The following ZNF251 variants were observed in gnomAD, a reference collection of about 807,000 sequenced individuals.
ZNF251 encodes zinc finger protein 251.
A neutral mutation model predicts 13.5 loss-of-function variants in ZNF251; 14 were observed. The ratio of observed to expected loss-of-function variants is 1.04; its 90% CI spans 0.69 to 1.63. The LOEUF is 1.63. Ranked by LOEUF, ZNF251 falls within the 40% of genes most tolerant of loss-of-function variation. The probability of loss-of-function intolerance (pLI) is 0.00; values close to 1 mark genes in which losing one functional copy is unlikely to be tolerated. For missense variants in ZNF251, 764 were observed against 834.9 expected (o/e 0.92, Z 1.05); for synonymous variants, 287 against 295.2 (o/e 0.97, Z 0.28).
rs562325410 is a variant in ZNF251 at position 144,747,987 on chromosome 8, G to A, written c.277+5696C>T. 6.6e-5 allele frequency among the ~76,000 whole-genome samples: 10 copies of A among 152,166 alleles called. No homozygotes were observed. The East Asian group carries it at 9.6e-4, about 15-fold the overall frequency. On this transcript the variant is annotated intron_variant, in intron 4 of 4. Coordinates refer to ENST00000292562, the MANE Select transcript of ZNF251 (RefSeq NM_138367.2). ...CGCAGTGACGTGATCATAGCTCACC[G>A]CAGCTTCAATGTCCTGGGCTCAAGC...
intron 4 of ZNF251, among the ~76,000 whole-genome samples, chr8:144,742,678 C>T (rs1213303427): frequency 6.6e-6 from 1 of 152,180 alleles, no homozygotes; most frequent in African/African-American, 2.4e-5. Flanking sequence ...CTTCACCCTG[C>T]TTCTCTACTC....
At chr8:144,730,564 G>A (rs1285221787) in intron 4 of ZNF251, among the ~76,000 whole-genome samples, 1 of 149,556 alleles carries the variant, frequency 6.7e-6, no homozygotes. Context: ...GGGGCGTCCC[G>A]GGGGTGACAC....
Position 144,723,316 on chromosome 8 carries a change from G to A in ZNF251, c.344C>T (p.Thr115Ile). Reference protein sequence around the residue: ...LNQKFSEEVKTPEFVSRRLLR... With the variant: ...LNQKFSEEVKIPEFVSRRLLR... ...GAGTCTTCTTGATACAAATTCTGGG[G>A]TTTTTACTTCTTCGGAAAATTTTTG... Residue 115 changes from threonine to isoleucine, a missense_variant, in exon 5 of 5, where the codon ACC (threonine) becomes ATC (isoleucine). Transcript: ENST00000292562. 6.4e-7 allele frequency: 1 copy of A among 1,551,704 alleles called. No homozygotes were observed. The highest frequency in any genetic ancestry group is 2.3e-5 in the East Asian group (1 of 44,128).
intron 4 of ZNF251, among the ~76,000 whole-genome samples, chr8:144,732,811 C>CAAA (rs34248117): frequency 9.4e-6 from 1 of 106,720 alleles, no homozygotes; most frequent in Non-Finnish European, 2.0e-5. Context: ...GACTCCGTCT[C>CAAA]AAAAAAAAAA....
rs1361979605 is a variant in ZNF251, at chr8:144,722,496, C to G, written c.1164G>C (p.Gln388His). The G allele has an allele frequency of 1.2e-6, 2 of 1,613,914 alleles. No homozygotes were observed. Among genetic ancestry groups the G allele is most frequent in the Non-Finnish European group, 1.7e-6 (2 of 1,179,960 alleles). Residue 388 changes from glutamine (Q) to histidine (H), a missense_variant, in exon 5 of 5, where the codon CAG becomes CAC. Transcript: ENST00000292562. This position sits in a 1 kb window ranked among gnomAD's most constrained non-coding sequence, Gnocchi z 4.8. ...GATGATGGAGGAAAAGGCTTGAGCT[C>G]TGACTGAAGGCCTTCCCACACTGAT... ...KCNQCGKAFS[Q>H]SSSLFLHHRV...
At chr8:144,750,700 T>A (rs904431365) in intron 4 of ZNF251, among the ~76,000 whole-genome samples, 4 of 151,638 alleles carry the variant, frequency 2.6e-5, no homozygotes, top group Non-Finnish European at 4.4e-5. Context: ...CCCCCTGGAG[T>A]TTTTTTTCAG....
intron 4 of ZNF251, among the ~76,000 whole-genome samples, chr8:144,729,367 T>G (rs186323325): frequency 6.7e-6 from 1 of 148,460 alleles, no homozygotes; most frequent in Non-Finnish European, 1.5e-5. Context: ...GATAGAGTCT[T>G]GCTCTGTCGC....
At chr8:144,750,446 G>A (rs187808795) in intron 4 of ZNF251, among the ~76,000 whole-genome samples, 150 of 152,256 alleles carry the variant, frequency 9.9e-4, no homozygotes, top group African/African-American at 3.3e-3. Flanking sequence ...GCTAGTGTTA[G>A]GTATTTCCCT....
At chr8:144,752,598 T>C (rs901128277) in intron 4 of ZNF251, among the ~76,000 whole-genome samples, 2 of 152,222 alleles carry the variant, frequency 1.3e-5, no homozygotes, top group Non-Finnish European at 2.9e-5. Flanking sequence ...AGAAACCAAA[T>C]GCTTTATTCA....
intron 4 of ZNF251, among the ~76,000 whole-genome samples, chr8:144,723,800 G>A (rs1477620469): frequency 6.6e-6 from 1 of 152,126 alleles, no homozygotes; most frequent in African/African-American, 2.4e-5. Flanking sequence ...ATGTGTTATT[G>A]GCCCCAACCT....
chr8:144,737,583 CT>C, intron 4 of ZNF251, among the ~76,000 whole-genome samples: 1 of 151,960 alleles, frequency 6.6e-6, no homozygotes, highest in African/African-American at 2.4e-5. Context: ...AATCCCAGCA[CT>C]TTGGTTGGGA....
At chr8:144,748,272 T>C (rs1824522303) in intron 4 of ZNF251, among the ~76,000 whole-genome samples, 1 of 150,690 alleles carries the variant, frequency 6.6e-6, no homozygotes, top group African/African-American at 2.4e-5. Flanking sequence ...TGGGGTTTCA[T>C]CATGTTGGCC....
chr8:144,752,710 G>C (rs1824753218), intron 4 of ZNF251, among the ~76,000 whole-genome samples: 1 of 152,068 alleles, frequency 6.6e-6, no homozygotes, highest in African/African-American at 2.4e-5. Context: ...GGAAATTTTT[G>C]GTAAAAGGAC....
chr8:144,755,365 T>G (rs1421923684), intron 1 of ZNF251, 40 bp downstream of exon 1: 2 of 1,285,014 alleles, frequency 1.6e-6, no homozygotes, highest in Non-Finnish European at 2.0e-6. Context: ...CCCGCCTGCC[T>G]GCCCGCTTGG....
intron 4 of ZNF251, among the ~76,000 whole-genome samples, chr8:144,738,953 G>C (rs774124735): frequency 2.0e-5 from 3 of 151,974 alleles, no homozygotes; most frequent in African/African-American, 7.3e-5. Flanking sequence ...TTGAAACAGC[G>C]CCAGAGATGC....
rs1027833788 is a variant in ZNF251, at chr8:144,734,497, T to C, written c.278-11115A>G. Among the ~76,000 whole-genome samples, 3 of 152,142 alleles carry C rather than the reference T, an allele frequency of 2.0e-5. No individual in the cohort carries two copies. On this transcript the variant is annotated intron_variant, in intron 4 of 4. Coordinates refer to ENST00000292562, the MANE Select transcript of ZNF251 (RefSeq NM_138367.2). This position sits in a 1 kb window ranked among gnomAD's most constrained non-coding sequence, Gnocchi z 4.4. ...GAGTGTAAGGCTCACAGCAACGGCA[T>C]GAACTCTACTTGGTGCCGCTGGCCC... is the stretch of plus-strand genomic sequence containing the variant.
At chr8:144,728,225 G>C (rs1823576088) in intron 4 of ZNF251, among the ~76,000 whole-genome samples, 1 of 152,068 alleles carries the variant, frequency 6.6e-6, no homozygotes, top group African/African-American at 2.4e-5. Flanking sequence ...AGGGAGGTAG[G>C]GAATGGCTGA....
intron 4 of ZNF251, among the ~76,000 whole-genome samples, chr8:144,747,438 G>A (rs1162412489): frequency 6.6e-6 from 1 of 152,220 alleles, no homozygotes; most frequent in Non-Finnish European, 1.5e-5. Flanking sequence ...ATCGTTGGAT[G>A]AAGCAGTCTA....
intron 4 of ZNF251, 61 bp from the exon 5 acceptor site, chr8:144,723,443 T>C (rs2129922751): frequency 7.8e-7 from 1 of 1,282,458 alleles, no homozygotes; most frequent in Non-Finnish European, 1.0e-6. Context: ...ATAATGTCCA[T>C]AATGTGGTAG....
Sources: allele counts gnomAD v4.1 joint callset (sites outside exome capture counted in the v4.1 genomes callset), GRCh38; gene constraint gnomAD v4.1.1; non-coding constraint Gnocchi (gnomAD v3.1); transcripts MANE v1.5; gene names NCBI Gene and HGNC (gene_info 2026-07-23, HGNC 2026-07-21).